Variants in CAMK4 observed in about 807,000 individuals in gnomAD.
CAMK4 encodes calcium/calmodulin-dependent protein kinase type IV.
A neutral mutation model predicts 44.9 loss-of-function variants in CAMK4; 22 were observed. The observed-to-expected ratio is 0.49, with a 90% confidence interval of 0.35 to 0.70. The LOEUF is 0.70. CAMK4 is among the 30% of genes least tolerant of loss of function. The pLI, the probability that CAMK4 is intolerant of heterozygous loss-of-function variation, is 0.01. For synonymous variants in CAMK4, 218 were observed against 215.4 expected, an observed-to-expected ratio of 1.01 and a Z score of -0.11; for missense variants, 498 against 586.8, an observed-to-expected ratio of 0.85 and a Z score of 1.56.
At chr5:111,448,095 G>C (rs1347400600) in intron 6 of CAMK4, among the ~76,000 whole-genome samples, 2 of 152,210 alleles carry the variant, frequency 1.3e-5, no homozygotes, top group Admixed American at 1.3e-4. Context: ...TTCTGCACCT[G>C]CCTCTCTTGA....
intron 5 of CAMK4, among the ~76,000 whole-genome samples, chr5:111,439,609 A>T (rs371853799): frequency 5.9e-5 from 9 of 152,248 alleles, no homozygotes; most frequent in African/African-American, 2.2e-4. Flanking sequence ...TGGAGCACCA[A>T]TGAAACATTC....
chr5:111,463,586 C>G (rs115802883), intron 7 of CAMK4, among the ~76,000 whole-genome samples: 4,242 of 152,298 alleles, frequency 0.028, 200 homozygotes, highest in African/African-American at 0.096. Context: ...TCACAGAGTC[C>G]ATTTCACTTT....
In CAMK4 at chr5:111,484,657, A is replaced by G. The variant is rs993565674; in HGVS notation, c.*191A>G. On this transcript the variant is annotated 3_prime_UTR_variant, in exon 11 of 11. Coordinates refer to ENST00000282356, the MANE Select transcript of CAMK4 (RefSeq NM_001744.6). The surrounding 1 kb of genome is among the most constrained non-coding windows in gnomAD (Gnocchi z 5.3). ...CTTTATGAAAATAATAGTGTCTTCT[A>G]TGGCATGTAATGGATACCTAATACC... 9.8e-6 allele frequency: 4 copies of G among 406,960 alleles called. No homozygotes were observed. The highest frequency in any genetic ancestry group is 1.2e-4 in the South Asian group (1 of 8,450). The allele number at this position is 406,960 out of a possible 1,614,324, so 25.2% of individuals were successfully genotyped here.
At chr5:111,371,136 A>C (rs544296833) in intron 2 of CAMK4, among the ~76,000 whole-genome samples, 1 of 152,056 alleles carries the variant, frequency 6.6e-6, no homozygotes, top group Middle Eastern at 3.2e-3. Flanking sequence ...TTTTGCTGCC[A>C]TTCTATTACC....
intron 4 of CAMK4, among the ~76,000 whole-genome samples, chr5:111,393,337 A>G (rs1040143344): frequency 6.6e-6 from 1 of 152,236 alleles, no homozygotes; most frequent in African/African-American, 2.4e-5. Flanking sequence ...CTATCCATTA[A>G]TAAAAAGTAG....
At chr5:111,373,602 C>A in intron 2 of CAMK4, among the ~76,000 whole-genome samples, 1 of 151,932 alleles carries the variant, frequency 6.6e-6, no homozygotes, top group African/African-American at 2.4e-5. Context: ...TGGTTATCAC[C>A]ATTGATATGC....
At chr5:111,358,772 A>G (rs1422179627) in intron 2 of CAMK4, among the ~76,000 whole-genome samples, 2 of 151,894 alleles carry the variant, frequency 1.3e-5, no homozygotes, top group African/African-American at 4.8e-5. Context: ...GTTTGTGTCC[A>G]TATGTTCCCA....
At chr5:111,415,556 A>G (rs1253918769) in intron 5 of CAMK4, among the ~76,000 whole-genome samples, 1 of 152,244 alleles carries the variant, frequency 6.6e-6, no homozygotes, top group Non-Finnish European at 1.5e-5. Flanking sequence ...ACAAAATTAT[A>G]GATGGGAAAA....
At chr5:111,302,366 G>A (rs1027194700) in intron 1 of CAMK4, 1 of 149,098 alleles carries the variant, frequency 6.7e-6, no homozygotes, top group Admixed American at 6.6e-5. Context: ...GCCAGACAGT[G>A]GGCGCAGGCC....
At chr5:111,414,261 A>G (rs937062152) in intron 5 of CAMK4, among the ~76,000 whole-genome samples, 54 of 152,204 alleles carry the variant, frequency 3.5e-4, no homozygotes, top group African/African-American at 1.3e-3. Flanking sequence ...AAAAAAATTT[A>G]GTTCTTTGTA....
intron 5 of CAMK4, among the ~76,000 whole-genome samples, chr5:111,426,947 C>A (rs984048047): frequency 1.3e-5 from 2 of 152,156 alleles, no homozygotes; most frequent in African/African-American, 4.8e-5. Context: ...GCAACTCTTA[C>A]AAGAGTCCCA....
intron 7 of CAMK4, among the ~76,000 whole-genome samples, chr5:111,451,048 T>C (rs1754214515): frequency 1.3e-5 from 2 of 152,172 alleles, no homozygotes; most frequent in Non-Finnish European, 2.9e-5. Flanking sequence ...AATATATTCA[T>C]TGAAGCATAT....
chr5:111,262,159 G>A (rs1223100257), intron 1 of CAMK4, among the ~76,000 whole-genome samples: 7 of 146,220 alleles, frequency 4.8e-5, no homozygotes, highest in African/African-American at 1.5e-4. Context: ...AAGAAAAATT[G>A]CACTAGACTA....
intron 9 of CAMK4, among the ~76,000 whole-genome samples, chr5:111,481,549 T>C (rs1157773142): frequency 6.6e-6 from 1 of 152,216 alleles, no homozygotes; most frequent in Admixed American, 6.5e-5. Context: ...TTCCTTAGCC[T>C]ATGTTCACGT....
At position 111,300,853 on chromosome 5, in the gene CAMK4, T is replaced by G. The variant is rs147138617; in HGVS notation, c.162-43171T>G. Among the ~76,000 whole-genome samples, 382 of 152,344 alleles carry G rather than the reference T, an allele frequency of 2.5e-3. 3 individuals carry two copies. Among genetic ancestry groups the G allele is most frequent in the African/African-American group, 8.9e-3 (371 of 41,570 alleles). ...TTGAAACTGCATATTTAAATTAGAT[T>G]TAGTCAAATGGATATGCAGAAAAAT... On this transcript the variant is annotated intron_variant, in intron 1 of 10. Transcript: ENST00000282356.
intron 1 of CAMK4, among the ~76,000 whole-genome samples, chr5:111,316,213 C>T (rs1247153287): frequency 1.3e-5 from 2 of 152,136 alleles, no homozygotes; most frequent in Non-Finnish European, 2.9e-5. Context: ...CATTCCTGCT[C>T]CACAGTAACG....
chr5:111,277,492 A>G (rs1026631262), intron 1 of CAMK4: 2 of 152,078 alleles, frequency 1.3e-5, no homozygotes, highest in Non-Finnish European at 1.5e-5. Flanking sequence ...TCTTATTTTT[A>G]TTTTCCTTTT....
At chr5:111,435,843 G>A (rs1753625299) in intron 5 of CAMK4, among the ~76,000 whole-genome samples, 1 of 152,166 alleles carries the variant, frequency 6.6e-6, no homozygotes, top group Admixed American at 6.5e-5. Flanking sequence ...GGAAATTAGA[G>A]AATGTCATAA....
chr5:111,457,740 T>A (rs1754469306), intron 7 of CAMK4, among the ~76,000 whole-genome samples: 1 of 152,184 alleles, frequency 6.6e-6, no homozygotes. Context: ...ATAGAAACTT[T>A]TAGTATAGTT....
Sources: allele counts gnomAD v4.1 joint callset (sites outside exome capture counted in the v4.1 genomes callset), GRCh38; gene constraint gnomAD v4.1.1; non-coding constraint Gnocchi (gnomAD v3.1); transcripts MANE v1.5; gene names NCBI Gene and HGNC (gene_info 2026-07-23, HGNC 2026-07-21).